Variants in OTOGL observed in about 807,000 individuals in gnomAD.
OTOGL encodes the protein otogelin-like protein.
In OTOGL, 285 loss-of-function variants were observed where a neutral mutation model predicts 318.5. The observed-to-expected ratio is 0.89, with a 90% CI of 0.81 to 0.99. OTOGL has a LOEUF of 0.99. Among genes scored for constraint, OTOGL ranks in the 50% least tolerant of loss-of-function variants. OTOGL has a pLI of 0.00. For missense variants in OTOGL, 2,899 were observed against 2,845.6 expected, an observed-to-expected ratio of 1.02 and a Z score of -0.43; for synonymous variants, 987 against 936.5, an observed-to-expected ratio of 1.05 and a Z score of -0.99.
At chr12:80,192,745 G>A (rs1310632872) in intron 1 of OTOGL, among the ~76,000 whole-genome samples, 2 of 116,904 alleles carry the variant, frequency 1.7e-5, no homozygotes, top group Non-Finnish European at 4.2e-5. Flanking sequence ...GTATATTTAG[G>A]GGAAATACCG....
intron 1 of OTOGL, among the ~76,000 whole-genome samples, chr12:80,116,470 C>A (rs980035816): frequency 6.6e-6 from 1 of 152,098 alleles, no homozygotes; most frequent in Non-Finnish European, 1.5e-5. Context: ...TCCCTGGGAA[C>A]TGCATATAGG....
chr12:80,202,218 G>A (rs1385265433), intron 1 of OTOGL, among the ~76,000 whole-genome samples: 2 of 151,918 alleles, frequency 1.3e-5, no homozygotes. Flanking sequence ...GTTCCCGTTC[G>A]GGTTTTCACT....
chr12:80,182,443 T>C (rs914290781), intron 1 of OTOGL, among the ~76,000 whole-genome samples: 5 of 152,160 alleles, frequency 3.3e-5, no homozygotes, highest in African/African-American at 9.7e-5. Flanking sequence ...AAATGAAAAG[T>C]TAAATAGTGC....
At chr12:80,150,668 G>A (rs1333733244) in intron 1 of OTOGL, among the ~76,000 whole-genome samples, 3 of 152,188 alleles carry the variant, frequency 2.0e-5, no homozygotes, top group Non-Finnish European at 4.4e-5. Flanking sequence ...GGGCCTTATA[G>A]TTATTGTTCA....
chr12:80,366,530 T>TATATATATATATATAA (rs201357228), intron 52 of OTOGL, 44 bp from the exon 53 acceptor site: 20 of 355,332 alleles, frequency 5.6e-5, no homozygotes, highest in African/African-American at 2.4e-4. Context: ...TATATATATA[T>TATATATATATATATAA]AAAATAAGCT....
chr12:80,173,233 C>G (rs2137222251), intron 1 of OTOGL, among the ~76,000 whole-genome samples: 1 of 151,796 alleles, frequency 6.6e-6, no homozygotes, highest in Admixed American at 6.6e-5. Context: ...AAAGGAATGG[C>G]TACTCCACAG....
At chr12:80,325,339 T>A (rs866214462) in intron 35 of OTOGL, among the ~76,000 whole-genome samples, 1 of 152,196 alleles carries the variant, frequency 6.6e-6, no homozygotes, top group Non-Finnish European at 1.5e-5. Flanking sequence ...CTTAATACAT[T>A]GGGAAATGGC....
chr12:80,129,973 T>G (rs1287805221), intron 1 of OTOGL, among the ~76,000 whole-genome samples: 2 of 152,214 alleles, frequency 1.3e-5, no homozygotes, highest in Non-Finnish European at 2.9e-5. Context: ...GAACTTATTT[T>G]TGATTTATCT....
At chr12:80,254,494 A>G in intron 14 of OTOGL, 30 bp from the exon 15 acceptor site, 1 of 1,573,048 alleles carries the variant, frequency 6.4e-7, no homozygotes. Flanking sequence ...CTCTATGCCA[A>G]TAGATTAATA....
chr12:80,220,047 G>A (rs1878155528), intron 6 of OTOGL, 135 bp downstream of exon 6: 2 of 694,996 alleles, frequency 2.9e-6, no homozygotes, highest in African/African-American at 3.6e-5. Flanking sequence ...TCAGTAATTT[G>A]ATGTAATTTA....
intron 1 of OTOGL, among the ~76,000 whole-genome samples, chr12:80,113,554 G>T (rs1293001064): frequency 1.3e-5 from 2 of 152,160 alleles, no homozygotes; most frequent in Non-Finnish European, 2.9e-5. Flanking sequence ...CCATGTAATT[G>T]TGTGGTTTTG....
chr12:80,127,859 C>T lies in OTOGL; in HGVS notation c.-20+28254C>T, dbSNP rs192668388. Among the ~76,000 whole-genome samples the T allele has an allele frequency of 3.8e-3, 586 of 152,290 alleles. 2 individuals carry two copies. Among genetic ancestry groups the T allele is most frequent in the Non-Finnish European group, 4.0e-3 (271 of 68,028 alleles). On this transcript the variant is annotated intron_variant, in intron 1 of 58. Transcript: ENST00000547103. ...GCTACTGAGGCTTGTGCATGCATCA[C>T]GTAGTTCTCGTGCCATGGTTTTTAG...
Position 80,238,800 on chromosome 12 carries a change from A to T in OTOGL, c.818-51A>T, listed in dbSNP as rs1880090558. 17 of 1,378,592 alleles carry T rather than the reference A, an allele frequency of 1.2e-5. No homozygotes were observed. The South Asian group carries it at 2.8e-4, about 23-fold the overall frequency. The allele number at this position is 1,378,592 out of a possible 1,614,324, so 85.4% of individuals were successfully genotyped here. On this transcript the variant is annotated intron_variant, in intron 9 of 58. Transcript: ENST00000547103. Reference sequence around the variant, plus strand: ...GAACCATGTCTGTTTGTGGAAAATGATATGATTACACCTATTTGTGTGTGT... The same window carrying T: ...GAACCATGTCTGTTTGTGGAAAATGTTATGATTACACCTATTTGTGTGTGT...
Position 80,318,684 on chromosome 12 carries a change from C to G in OTOGL, c.3773C>G (p.Thr1258Ser). The G allele has an allele frequency of 7.4e-7, 1 of 1,344,330 alleles. No individual in the cohort carries two copies. 83.3% of individuals were successfully genotyped at this position (1,344,330 alleles called of 1,614,324 possible). Residue 1258 changes from threonine (T) to serine (S), a missense_variant, in exon 33 of 59, where the codon ACT becomes AGT. Transcript: ENST00000547103. ...AGTTTATTTTTTTATTTTATGATCA[C>G]TCCAGGCCTTTTCAAAGAGAAGGTA... Reference protein sequence around the residue: ...HTSLFFYFMITPGLFKEKVSS... With the variant: ...HTSLFFYFMISPGLFKEKVSS...
At chr12:80,170,441 T>A (rs1405548740) in intron 1 of OTOGL, among the ~76,000 whole-genome samples, 2 of 152,132 alleles carry the variant, frequency 1.3e-5, no homozygotes, top group Non-Finnish European at 2.9e-5. Context: ...TTTTCCTTTT[T>A]CTTTTTTTTT....
rs1376227734 is a variant in OTOGL, at chr12:80,145,070, A to G, written c.-20+45465A>G. ...AAGCTCTTTAGTTTAATTAGATCCC[A>G]TTTGTCAATTTTGTCTTTTGTTGCC... On this transcript the variant is annotated intron_variant, in intron 1 of 58. Transcript: ENST00000547103. 3.3e-5 allele frequency among the ~76,000 whole-genome samples: 5 copies of G among 151,396 alleles called. No individual in the cohort carries two copies. In the South Asian group the frequency reaches 1.0e-3, roughly 32 times the overall value.
In OTOGL at chr12:80,352,288, T is replaced by C. The variant is rs79120261; in HGVS notation, c.5266-7T>C. 45,403 of 1,602,594 alleles carry C rather than the reference T, an allele frequency of 0.028. 809 individuals carry two copies. Among genetic ancestry groups the C allele is most frequent in the Middle Eastern group, 0.039 (233 of 5,990 alleles). ...ATAACTTATTTCAAGGCAAAATGTTTCTCTAGGTTTCACCGGAAGACTTTT... is the reference window on the plus strand; with the variant it reads ...ATAACTTATTTCAAGGCAAAATGTTCCTCTAGGTTTCACCGGAAGACTTTT... On this transcript the variant is annotated splice_region_variant and splice_polypyrimidine_tract_variant and intron_variant, in intron 44 of 58. Coordinates refer to ENST00000547103, the MANE Select transcript of OTOGL (RefSeq NM_001378609.3).
chr12:80,102,845 T>G, intron 1 of OTOGL: 1 of 707,092 alleles, frequency 1.4e-6, no homozygotes, highest in Non-Finnish European at 2.5e-6. Context: ...CATAAGGCTC[T>G]TCTTTTTTTT....
At chr12:80,234,804 T>C (rs537741689) in intron 9 of OTOGL, among the ~76,000 whole-genome samples, 1 of 152,262 alleles carries the variant, frequency 6.6e-6, no homozygotes, top group South Asian at 2.1e-4. Flanking sequence ...GTAGCTAGAG[T>C]AGAGAGCAGG....
Sources: gnomAD v4.1 joint callset for allele counts (sites outside exome capture counted in the v4.1 genomes callset) on GRCh38, gnomAD v4.1.1 for gene constraint, MANE v1.5 for transcripts, NCBI Gene and HGNC (gene_info 2026-07-23, HGNC 2026-07-21) for gene names.